Variants in FAT3 observed in about 807,000 individuals in gnomAD.
The protein encoded by FAT3 is protocadherin Fat 3.
FAT3 carries 95 observed loss-of-function variants against 310.2 expected under a neutral mutation model. The ratio of observed to expected loss-of-function variants is 0.31; its 90% confidence interval spans 0.26 to 0.36. FAT3 has a LOEUF of 0.36. FAT3 is among the 10% of genes least tolerant of loss of function. The pLI is 1.00. For missense variants in FAT3, 5,408 were observed against 5,715.6 expected (o/e 0.95, Z 1.74); for synonymous variants, 2,314 against 2,192.9 (o/e 1.06, Z -1.54).
At chr11:92,553,817 T>G (rs1024960717) in intron 3 of FAT3, among the ~76,000 whole-genome samples, 1 of 151,830 alleles carries the variant, frequency 6.6e-6, no homozygotes, top group African/African-American at 2.4e-5. Context: ...TCTTTCTCTT[T>G]TTTTTGAGAC....
intron 6 of FAT3, 32 bp downstream of exon 6, chr11:92,765,121 C>T: frequency 1.4e-6 from 2 of 1,397,270 alleles, no homozygotes; most frequent in Non-Finnish European, 1.9e-6. Flanking sequence ...CAGTATCATG[C>T]AATGTAATAA....
At chr11:92,837,640 G>A in intron 16 of FAT3, 23 bp from the exon 17 acceptor site, 2 of 1,612,958 alleles carry the variant, frequency 1.2e-6, no homozygotes, top group Non-Finnish European at 1.7e-6. Context: ...CCTCTTTACT[G>A]TCACCTCTTT....
chr11:92,287,232 A>G (rs1946582426), intron 1 of FAT3, among the ~76,000 whole-genome samples: 1 of 152,176 alleles, frequency 6.6e-6, no homozygotes. Flanking sequence ...TATAAAACAA[A>G]TGAAGGCCTC....
At chr11:92,643,037 C>T (rs115990602) in intron 3 of FAT3, among the ~76,000 whole-genome samples, 3 of 152,308 alleles carry the variant, frequency 2.0e-5, no homozygotes, top group African/African-American at 7.2e-5. Context: ...GGATGCTTAT[C>T]TTTTGCTTTA....
chr11:92,300,093 A>T (rs533049482), intron 1 of FAT3, among the ~76,000 whole-genome samples: 1 of 152,228 alleles, frequency 6.6e-6, no homozygotes, highest in African/African-American at 2.4e-5. Context: ...GCATCCTAAC[A>T]ATTGGGGGAA....
At position 92,800,587 on chromosome 11, in the gene FAT3, C is replaced by T. The variant is rs1449386344; in HGVS notation, c.7574C>T (p.Pro2525Leu). 1 of 1,613,700 alleles carries T rather than the reference C, an allele frequency of 6.2e-7. No individual in the cohort carries two copies. The highest frequency in any genetic ancestry group is 8.5e-7 in the Non-Finnish European group (1 of 1,179,794). ...CATGTTCGAGCCACAGATGGTGATC[C>T]AGGGACTTATGGGCAGATCAGCTAT... ...VIHVRATDGD[P>L]GTYGQISYAI... is the part of the protein sequence containing the mutation. Residue 2525 changes from proline (P) to leucine (L), a missense_variant, in exon 10 of 28, where the codon CCA becomes CTA. Physicochemically the swap from Pro to Leu is moderately conservative, Grantham distance 98. Coordinates refer to ENST00000525166, the MANE Select transcript of FAT3 (RefSeq NM_001367949.2).
intron 2 of FAT3, among the ~76,000 whole-genome samples, chr11:92,356,225 GT>G (rs1948727303): frequency 6.6e-6 from 1 of 152,066 alleles, no homozygotes. Flanking sequence ...GTATGTGTGT[GT>G]TTCTGTTCCT....
In FAT3 at chr11:92,860,028, C is replaced by G. The variant is rs374167711; in HGVS notation, c.11658+706C>G. 7.2e-5 allele frequency among the ~76,000 whole-genome samples: 11 copies of G among 152,158 alleles called. No individual in the cohort carries two copies. The East Asian group carries it at 2.1e-3, about 30-fold the overall frequency. On this transcript the variant is annotated intron_variant, in intron 21 of 27. Coordinates refer to ENST00000525166, the MANE Select transcript of FAT3 (RefSeq NM_001367949.2). Reference sequence around the variant, plus strand: ...TCCAGCCTGGCCAACATGGTGAAACCCTGTCTCTACTAAAAATACAAAAAT... The same window carrying G: ...TCCAGCCTGGCCAACATGGTGAAACGCTGTCTCTACTAAAAATACAAAAAT...
At chr11:92,382,316 A>T (rs1249707897) in intron 2 of FAT3, among the ~76,000 whole-genome samples, 2 of 152,212 alleles carry the variant, frequency 1.3e-5, no homozygotes, top group African/African-American at 4.8e-5. Context: ...GTGGGGGGTC[A>T]GCTGGAGTGT....
At chr11:92,642,555 A>T (rs1942002191) in intron 3 of FAT3, among the ~76,000 whole-genome samples, 1 of 152,250 alleles carries the variant, frequency 6.6e-6, no homozygotes, top group South Asian at 2.1e-4. Context: ...TAAATCAGCA[A>T]GAAATGCTTA....
chr11:92,525,060 T>C, intron 3 of FAT3, 112 bp downstream of exon 3: 1 of 907,302 alleles, frequency 1.1e-6, no homozygotes, highest in South Asian at 1.8e-5. Flanking sequence ...AGCATCTTCC[T>C]TTCTGAGAAT....
chr11:92,472,164 A>G (rs534005597), intron 2 of FAT3, among the ~76,000 whole-genome samples: 2 of 152,124 alleles, frequency 1.3e-5, no homozygotes, highest in Middle Eastern at 3.4e-3. Context: ...TTAACTCTTA[A>G]GCTAAATGAG....
intron 3 of FAT3, among the ~76,000 whole-genome samples, chr11:92,560,913 T>C (rs633152): frequency 0.15 from 23,033 of 152,186 alleles, 1,932 homozygotes; most frequent in East Asian, 0.29. Flanking sequence ...AAAGTATTTC[T>C]GCAGAAATAC....
chr11:92,227,211 A>G lies in FAT3; in HGVS notation c.-18+2037A>G, dbSNP rs556238876. ...ACTTGTTTTCTGCCGCTTTTCTCCC[A>G]CTTGCCTCGGACATATTAATTTTCT... On this transcript the variant is annotated intron_variant, in intron 1 of 27. Transcript: ENST00000525166. 6.6e-5 allele frequency among the ~76,000 whole-genome samples: 10 copies of G among 152,132 alleles called. No homozygotes were observed. In the South Asian group the frequency reaches 1.5e-3, roughly 22 times the overall value.
intron 1 of FAT3, among the ~76,000 whole-genome samples, chr11:92,303,257 G>T (rs1947044000): frequency 6.6e-6 from 1 of 151,920 alleles, no homozygotes; most frequent in Non-Finnish European, 1.5e-5. Flanking sequence ...AAATTTGGAG[G>T]TACCATTTAG....
intron 11 of FAT3, 116 bp downstream of exon 11, chr11:92,805,465 GTGGGTATA>G: frequency 9.1e-7 from 1 of 1,101,840 alleles, no homozygotes; most frequent in Admixed American, 2.7e-5. Context: ...GCAATTGGGT[GTGGGTATA>G]AGAGGGTAGG....
At chr11:92,632,686 C>T (rs555026274) in intron 3 of FAT3, among the ~76,000 whole-genome samples, 70 of 152,346 alleles carry the variant, frequency 4.6e-4, no homozygotes, top group African/African-American at 1.6e-3. Context: ...AACTCAGCCC[C>T]TGACCAGTTC....
rs371346083 is a variant in FAT3, at chr11:92,353,024, G to T, written c.912G>T (p.Val304=). The T allele has an allele frequency of 2.5e-6, 4 of 1,613,612 alleles. No individual in the cohort carries two copies. In the African/African-American group the frequency reaches 4.0e-5, roughly 16 times the overall value. The change falls in exon 2 of 28, where the codon GTG becomes GTT. Residue 304 remains valine (V), a synonymous_variant. Coordinates refer to ENST00000525166, the MANE Select transcript of FAT3 (RefSeq NM_001367949.2). ...ANGEIESVSI[V]AGDPLDQFFL... is the part of the protein sequence containing the mutation. ...GAGAGATCGAATCTGTTTCCATTGT[G>T]GCTGGGGATCCTTTAGATCAGTTCT...
At chr11:92,349,436 G>A (rs1948503310) in intron 1 of FAT3, among the ~76,000 whole-genome samples, 1 of 152,210 alleles carries the variant, frequency 6.6e-6, no homozygotes, top group Admixed American at 6.5e-5. Context: ...ACTACAGAGA[G>A]GTTCTTTTGC....
Sources: allele counts gnomAD v4.1 joint callset (sites outside exome capture counted in the v4.1 genomes callset), GRCh38; gene constraint gnomAD v4.1.1; transcripts MANE v1.5; gene names NCBI Gene and HGNC (gene_info 2026-07-23, HGNC 2026-07-21).